Variants in GLDC observed in about 807,000 individuals in gnomAD.
GLDC encodes the protein glycine decarboxylase.
GLDC carries 104 observed loss-of-function variants against 121.3 expected under a neutral mutation model. That is an observed-to-expected ratio of 0.86 (90% CI 0.73 to 1.01). GLDC has a LOEUF of 1.01. Ranked by LOEUF, GLDC falls within the 50% of genes least tolerant of loss-of-function variation. The probability of loss-of-function intolerance (pLI) is 0.00; values close to 1 mark genes in which losing one functional copy is unlikely to be tolerated. For synonymous variants in GLDC, 546 were observed against 480.6 expected, an observed-to-expected ratio of 1.14 and a Z score of -1.78; for missense variants, 1,429 against 1,306.6, an observed-to-expected ratio of 1.09 and a Z score of -1.44.
intron 15 of GLDC, among the ~76,000 whole-genome samples, chr9:6,571,263 C>T (rs1418356980): frequency 1.3e-5 from 2 of 152,096 alleles, no homozygotes; most frequent in Admixed American, 1.3e-4. Flanking sequence ...GAAATATCTT[C>T]CGGGACACCC....
Position 6,604,671 on chromosome 9 carries a change from G to C in GLDC, c.975C>G (p.Gly325=), listed in dbSNP as rs748941890. ...AAAATGCTGCATGGGGTCCCCCATA[G>C]CCCAGTGGCACTCCAAATCTCTGGG... ...GSSQRFGVPL[G]YGGPHAAFFA... The change falls in exon 7 of 25, where the codon GGC becomes GGG. Residue 325 remains glycine (G), a synonymous_variant. Transcript: ENST00000321612. The C allele has an allele frequency of 9.3e-6, 15 of 1,613,984 alleles. No homozygotes were observed. The highest frequency in any genetic ancestry group is 1.3e-5 in the Non-Finnish European group (15 of 1,179,990).
intron 8 of GLDC, among the ~76,000 whole-genome samples, chr9:6,598,819 A>G (rs1415941519): frequency 1.3e-5 from 2 of 152,220 alleles, no homozygotes; most frequent in African/African-American, 4.8e-5. Flanking sequence ...GCTGGAAAAG[A>G]TACAGACCTT....
chr9:6,627,280 A>G (rs1819263447), intron 2 of GLDC, among the ~76,000 whole-genome samples: 1 of 144,870 alleles, frequency 6.9e-6, no homozygotes, highest in Non-Finnish European at 1.5e-5. Context: ...TGGGCAACAG[A>G]ACGAGACTCC....
At position 6,611,459 on chromosome 9, in the gene GLDC, G is replaced by A. The variant is rs554545973; in HGVS notation, c.471-1103C>T. Reference sequence around the variant, plus strand: ...TAGTCCCAGCTACTCAGGAGGCTGAGGCAGGAGAATCGCTTGAACCCGCGG... The same window carrying A: ...TAGTCCCAGCTACTCAGGAGGCTGAAGCAGGAGAATCGCTTGAACCCGCGG... On this transcript the variant is annotated intron_variant, in intron 3 of 24. Transcript: ENST00000321612. Among the ~76,000 whole-genome samples, 77 of 152,240 alleles carry A rather than the reference G, an allele frequency of 5.1e-4. 1 individual carries two copies. Among genetic ancestry groups the A allele is most frequent in the African/African-American group, 1.8e-3 (73 of 41,544 alleles).
intron 11 of GLDC, among the ~76,000 whole-genome samples, chr9:6,590,239 C>G (rs1274440401): frequency 6.8e-6 from 1 of 148,122 alleles, no homozygotes; most frequent in Non-Finnish European, 1.5e-5. Flanking sequence ...GACTGACTAC[C>G]CACAGAATGG....
chr9:6,561,038 C>G (rs977449231), intron 16 of GLDC, among the ~76,000 whole-genome samples: 1 of 152,234 alleles, frequency 6.6e-6, no homozygotes. Flanking sequence ...GAAACAGATT[C>G]TCCCCTGTCT....
intron 23 of GLDC, 23 bp from the exon 24 acceptor site, chr9:6,534,811 G>A: frequency 1.5e-6 from 2 of 1,364,554 alleles, no homozygotes; most frequent in Non-Finnish European, 2.1e-6. Flanking sequence ...CACGGACAGA[G>A]GAGGGGTCAG....
At chr9:6,629,860 T>C (rs1176258412) in intron 2 of GLDC, among the ~76,000 whole-genome samples, 1 of 148,902 alleles carries the variant, frequency 6.7e-6, no homozygotes, top group Non-Finnish European at 1.5e-5. Context: ...CAGAACATCT[T>C]TGTGATGATT....
At chr9:6,580,568 C>A (rs1286948252) in intron 15 of GLDC, among the ~76,000 whole-genome samples, 1 of 152,158 alleles carries the variant, frequency 6.6e-6, no homozygotes, top group African/African-American at 2.4e-5. Context: ...TTCCCAAATC[C>A]CTTCCCCTGC....
chr9:6,620,179 A>G lies in GLDC; in HGVS notation c.470+5T>C. The G allele has an allele frequency of 1.9e-6, 3 of 1,612,198 alleles. No homozygotes were observed. Among genetic ancestry groups the G allele is most frequent in the Non-Finnish European group, 2.5e-6 (3 of 1,179,612 alleles). ...ATCCTGTTCCTGAACTGAGAAATACATTACCATCCTGAGTTCTCCAGTAAG... is the reference window on the plus strand; with the variant it reads ...ATCCTGTTCCTGAACTGAGAAATACGTTACCATCCTGAGTTCTCCAGTAAG... On this transcript the variant is annotated splice_donor_5th_base_variant and intron_variant, in intron 3 of 24. Coordinates refer to ENST00000321612, the MANE Select transcript of GLDC (RefSeq NM_000170.3).
chr9:6,624,567 T>C (rs140707173), intron 2 of GLDC, among the ~76,000 whole-genome samples: 2 of 152,322 alleles, frequency 1.3e-5, no homozygotes, highest in African/African-American at 4.8e-5. Flanking sequence ...CAGGTTCCTG[T>C]TGTTTTAAGC....
At chr9:6,644,281 CCT>C (rs1222828058) in intron 2 of GLDC, among the ~76,000 whole-genome samples, 1 of 151,854 alleles carries the variant, frequency 6.6e-6, no homozygotes, top group African/African-American at 2.4e-5. Context: ...GGTAATGACA[CCT>C]CTCAACCCAA....
chr9:6,537,608 C>T (rs1218994142), intron 22 of GLDC, among the ~76,000 whole-genome samples: 2 of 152,130 alleles, frequency 1.3e-5, no homozygotes, highest in African/African-American at 2.4e-5. Flanking sequence ...TGGCAAAACC[C>T]CGTCTCTACA....
rs144005557 is a variant in GLDC at position 6,587,798 on chromosome 9, T to C, written c.1708-515A>G. 8.1e-4 allele frequency among the ~76,000 whole-genome samples: 124 copies of C among 152,252 alleles called. 1 individual carries two copies. Among genetic ancestry groups the C allele is most frequent in the Middle Eastern group, 3.4e-3 (1 of 294 alleles). On this transcript the variant is annotated intron_variant, in intron 14 of 24. Transcript: ENST00000321612. ...GGCAAACACAGCAAGACCTTGACTC[T>C]ATTTTTTAAAAAAATAGAGAGGGAA...
intron 16 of GLDC, among the ~76,000 whole-genome samples, chr9:6,562,841 A>C (rs1482638949): frequency 6.6e-6 from 1 of 152,206 alleles, no homozygotes; most frequent in Non-Finnish European, 1.5e-5. Context: ...GATTACAGGC[A>C]TGAGCCACCA....
chr9:6,557,805 G>C (rs943353065), intron 17 of GLDC: 4 of 152,746 alleles, frequency 2.6e-5, no homozygotes, highest in Non-Finnish European at 5.8e-5. Context: ...GGGAAGTCAT[G>C]TCCTATATTA....
At chr9:6,622,395 C>A (rs1175111562) in intron 2 of GLDC, among the ~76,000 whole-genome samples, 2 of 149,782 alleles carry the variant, frequency 1.3e-5, no homozygotes, top group Non-Finnish European at 3.0e-5. Context: ...GCACGCGCCG[C>A]CACGCCTGAC....
intron 15 of GLDC, among the ~76,000 whole-genome samples, chr9:6,584,800 A>G (rs1818235713): frequency 6.6e-6 from 1 of 152,224 alleles, no homozygotes; most frequent in Non-Finnish European, 1.5e-5. Flanking sequence ...TATAGCTGGG[A>G]ATCTCAGGAA....
chr9:6,644,372 G>C (rs1185828306), intron 2 of GLDC, among the ~76,000 whole-genome samples: 2 of 151,922 alleles, frequency 1.3e-5, no homozygotes, highest in Non-Finnish European at 2.9e-5. Context: ...AAGCTCGCGG[G>C]GGCCCTAGGA....
Sources: allele counts gnomAD v4.1 joint callset (sites outside exome capture counted in the v4.1 genomes callset), GRCh38; gene constraint gnomAD v4.1.1; transcripts MANE v1.5; gene names NCBI Gene and HGNC (gene_info 2026-07-23, HGNC 2026-07-21).